Variants in AGBL4 observed in about 807,000 individuals in gnomAD.
The protein encoded by AGBL4 is cytosolic carboxypeptidase 6.
In AGBL4, 58 loss-of-function variants were observed where a neutral mutation model predicts 66.4. That is an observed-to-expected ratio of 0.87 (90% confidence interval 0.71 to 1.09). AGBL4 has a LOEUF of 1.09. Ranked by LOEUF, AGBL4 falls within the 50% of genes least tolerant of loss-of-function variation. The probability of loss-of-function intolerance (pLI) is 0.00; values close to 1 mark genes in which losing one functional copy is unlikely to be tolerated. For synonymous variants in AGBL4, 234 were observed against 222.9 expected, an observed-to-expected ratio of 1.05 and a Z score of -0.44; for missense variants, 579 against 631.0, an observed-to-expected ratio of 0.92 and a Z score of 0.88.
Position 49,068,481 on chromosome 1 carries a change from T to G in AGBL4, c.378-22681A>C, listed in dbSNP as rs138700350. On this transcript the variant is annotated intron_variant, in intron 4 of 13. Transcript: ENST00000371839. ...CATTTATGAGTGAGAACATGAGGTGTTTGGTTTTCTGTTCTTGTGTTACTT... is the reference window on the plus strand; with the variant it reads ...CATTTATGAGTGAGAACATGAGGTGGTTGGTTTTCTGTTCTTGTGTTACTT... Among the ~76,000 whole-genome samples the G allele has an allele frequency of 5.0e-3, 749 of 149,514 alleles. 6 individuals carry two copies. The highest frequency in any genetic ancestry group is 0.018 in the Middle Eastern group (5 of 280).
chr1:49,257,599 C>A (rs1652649902), intron 3 of AGBL4: 1 of 152,814 alleles, frequency 6.5e-6, no homozygotes, highest in Non-Finnish European at 1.5e-5. Context: ...GGAAAGGGAA[C>A]TCCCTGACCT....
At chr1:48,745,050 G>T (rs1489594407) in intron 6 of AGBL4, among the ~76,000 whole-genome samples, 1 of 152,170 alleles carries the variant, frequency 6.6e-6, no homozygotes, top group East Asian at 1.9e-4. Context: ...GCAATCATCT[G>T]CCTGTCGGTT....
intron 3 of AGBL4, among the ~76,000 whole-genome samples, chr1:49,603,920 TC>T (rs1645013739): frequency 7.2e-6 from 1 of 138,600 alleles, no homozygotes; most frequent in Non-Finnish European, 1.5e-5. Flanking sequence ...TGATTAGTAT[TC>T]CATGGTATAC....
intron 2 of AGBL4, among the ~76,000 whole-genome samples, chr1:49,748,495 G>C (rs941244422): frequency 6.6e-5 from 10 of 152,166 alleles, no homozygotes; most frequent in African/African-American, 2.4e-4. Flanking sequence ...CTTTATTATA[G>C]AATGATTTAT....
At chr1:49,815,916 G>A (rs536576582) in intron 2 of AGBL4, among the ~76,000 whole-genome samples, 103 of 151,744 alleles carry the variant, frequency 6.8e-4, no homozygotes, top group Non-Finnish European at 8.8e-4. Context: ...TTCAGTGGGA[G>A]GTCTTACTCT....
intron 3 of AGBL4, among the ~76,000 whole-genome samples, chr1:49,511,738 AGACTTG>A (rs1387333759): frequency 2.0e-5 from 3 of 151,910 alleles, no homozygotes; most frequent in Admixed American, 1.3e-4. Flanking sequence ...CCAAGTCAGA[AGACTTG>A]GATTCCAATC....
intron 5 of AGBL4, among the ~76,000 whole-genome samples, chr1:48,936,219 C>T (rs1001932026): frequency 2.0e-5 from 3 of 150,704 alleles, no homozygotes; most frequent in Admixed American, 6.6e-5. Context: ...ATTGCTTGAG[C>T]ACCACTCCAC....
chr1:49,041,835 T>A (rs189804461), intron 5 of AGBL4, among the ~76,000 whole-genome samples: 1 of 152,182 alleles, frequency 6.6e-6, no homozygotes, highest in East Asian at 1.9e-4. Context: ...CCCCATGAAT[T>A]TCCTATTCCA....
chr1:48,538,222 C>T (rs1255746070), intron 12 of AGBL4, among the ~76,000 whole-genome samples: 4 of 152,056 alleles, frequency 2.6e-5, no homozygotes, highest in Admixed American at 1.3e-4. Context: ...TGAGACATCA[C>T]CCAAACAAAT....
At chr1:48,531,528 A>G (rs1249544972), downstream of AGBL4, among the ~76,000 whole-genome samples, 1 of 152,098 alleles carries the variant, frequency 6.6e-6, no homozygotes, top group African/African-American at 2.4e-5. Context: ...CTTCCAAAGG[A>G]ACCCATCCAG....
chr1:49,194,417 G>T (rs930441994), intron 4 of AGBL4, among the ~76,000 whole-genome samples: 1 of 152,036 alleles, frequency 6.6e-6, no homozygotes, highest in Non-Finnish European at 1.5e-5. Context: ...TTACAAGTGA[G>T]GTGACTTTCT....
At chr1:49,196,991 C>T (rs1647288449) in intron 4 of AGBL4, among the ~76,000 whole-genome samples, 1 of 151,998 alleles carries the variant, frequency 6.6e-6, no homozygotes, top group Non-Finnish European at 1.5e-5. Flanking sequence ...CCATGCCCAG[C>T]ATTTTTTTTG....
intron 3 of AGBL4, among the ~76,000 whole-genome samples, chr1:49,624,778 C>T (rs1021346806): frequency 2.0e-5 from 3 of 152,120 alleles, no homozygotes; most frequent in Admixed American, 6.5e-5. Context: ...AAGGGACACA[C>T]GTCTAGAAAT....
At chr1:49,933,538 T>A (rs1653587217) in intron 1 of AGBL4, among the ~76,000 whole-genome samples, 1 of 152,124 alleles carries the variant, frequency 6.6e-6, no homozygotes, top group African/African-American at 2.4e-5. Flanking sequence ...ATAAATAACT[T>A]GTCATTTCAG....
At chr1:48,542,822 T>C (rs1644095994) in intron 11 of AGBL4, among the ~76,000 whole-genome samples, 4 of 152,234 alleles carry the variant, frequency 2.6e-5, no homozygotes, top group Admixed American at 2.0e-4. Flanking sequence ...TCTTTTGCTG[T>C]GCAGAAGCTC....
At chr1:48,706,177 T>C (rs921517416) in intron 6 of AGBL4, among the ~76,000 whole-genome samples, 1 of 152,212 alleles carries the variant, frequency 6.6e-6, no homozygotes, top group Admixed American at 6.5e-5. Flanking sequence ...GTGTTCATTA[T>C]ATGATTATGC....
intron 2 of AGBL4, among the ~76,000 whole-genome samples, chr1:49,788,517 T>C (rs1644516471): frequency 6.7e-6 from 1 of 149,052 alleles, no homozygotes; most frequent in African/African-American, 2.5e-5. Context: ...TTCAAATAAC[T>C]AAAAAAATTT....
chr1:49,454,245 A>T (rs1646341957), intron 3 of AGBL4, among the ~76,000 whole-genome samples: 1 of 151,820 alleles, frequency 6.6e-6, no homozygotes, highest in Admixed American at 6.6e-5. Flanking sequence ...CAGAAACAAA[A>T]TAAACTCCTG....
intron 3 of AGBL4, among the ~76,000 whole-genome samples, chr1:49,629,072 G>A (rs988089448): frequency 3.3e-5 from 5 of 152,140 alleles, no homozygotes; most frequent in Non-Finnish European, 7.4e-5. Flanking sequence ...TTTTAAAAAG[G>A]GGTCATCAAA....
Sources: gnomAD v4.1 joint callset for allele counts (sites outside exome capture counted in the v4.1 genomes callset) on GRCh38, gnomAD v4.1.1 for gene constraint, MANE v1.5 for transcripts, NCBI Gene and HGNC (gene_info 2026-07-23, HGNC 2026-07-21) for gene names.